GSTCD: variants seen among roughly 807,000 people sequenced by gnomAD.
The protein encoded by GSTCD is glutathione S-transferase C-terminal domain containing, also known as glutathione S-transferase C-terminal domain-containing protein.
GSTCD carries 44 observed loss-of-function variants against 68.3 expected under a neutral mutation model. The observed-to-expected ratio is 0.64, with a 90% CI of 0.51 to 0.83. GSTCD has a LOEUF of 0.83. Ranked by LOEUF, GSTCD falls within the 40% of genes least tolerant of loss-of-function variation. The pLI is 0.00. For synonymous variants in GSTCD, 273 were observed against 255.2 expected, an observed-to-expected ratio of 1.07 and a Z score of -0.67; for missense variants, 739 against 735.9, an observed-to-expected ratio of 1.00 and a Z score of -0.05.
At chr4:105,743,163 G>A (rs1296487416) in intron 5 of GSTCD, among the ~76,000 whole-genome samples, 10 of 151,974 alleles carry the variant, frequency 6.6e-5, no homozygotes, top group Non-Finnish European at 1.5e-4. Context: ...TGTTAGCCAG[G>A]ATGGTCTCGA....
chr4:105,767,749 T>G (rs1734675892), intron 5 of GSTCD, among the ~76,000 whole-genome samples: 1 of 152,314 alleles, frequency 6.6e-6, no homozygotes, highest in South Asian at 2.1e-4. Context: ...TGAACTATAT[T>G]GAAAGATCCC....
Position 105,811,613 on chromosome 4 carries a change from G to A in GSTCD, c.1241-11341G>A, listed in dbSNP as rs530575937. Reference sequence around the variant, plus strand: ...GAGTTAGTGGGTGCAGCACACCAGCGTGGCACATGTATACATATGTAACTA... The same window carrying A: ...GAGTTAGTGGGTGCAGCACACCAGCATGGCACATGTATACATATGTAACTA... On this transcript the variant is annotated intron_variant, in intron 5 of 11. Coordinates refer to ENST00000515279, the MANE Select transcript of GSTCD (RefSeq NM_001370181.1). Among the ~76,000 whole-genome samples, 591 of 151,060 alleles carry A rather than the reference G, an allele frequency of 3.9e-3. 5 individuals carry two copies. Among genetic ancestry groups the A allele is most frequent in the African/African-American group, 0.014 (571 of 41,162 alleles).
At chr4:105,745,345 TTTAG>T (rs1261092632) in intron 5 of GSTCD, among the ~76,000 whole-genome samples, 1 of 152,218 alleles carries the variant, frequency 6.6e-6, no homozygotes, top group Non-Finnish European at 1.5e-5. Flanking sequence ...AATGAAAGGT[TTTAG>T]TTAGTATTAA....
At chr4:105,742,701 T>A (rs906566033) in intron 5 of GSTCD, among the ~76,000 whole-genome samples, 30 of 104,388 alleles carry the variant, frequency 2.9e-4, no homozygotes, top group African/African-American at 4.3e-4. Context: ...TTTGTTGTTG[T>A]TTTTACTTTT....
intron 8 of GSTCD, among the ~76,000 whole-genome samples, chr4:105,827,852 TGAAA>T (rs1443145325): frequency 6.6e-6 from 1 of 152,068 alleles, no homozygotes; most frequent in East Asian, 1.9e-4. Flanking sequence ...AAGATTTTAA[TGAAA>T]GAATTTTAAA....
intron 5 of GSTCD, among the ~76,000 whole-genome samples, chr4:105,781,484 TG>T (rs1735271167): frequency 6.6e-6 from 1 of 151,886 alleles, no homozygotes; most frequent in Non-Finnish European, 1.5e-5. Flanking sequence ...CTCGAACTCC[TG>T]GCCTCAAGCA....
chr4:105,766,551 T>G (rs894118950), intron 5 of GSTCD, among the ~76,000 whole-genome samples: 3 of 151,970 alleles, frequency 2.0e-5, no homozygotes, highest in African/African-American at 4.8e-5. Flanking sequence ...AGTCATCTGG[T>G]TTTTTTTCTT....
intron 8 of GSTCD, among the ~76,000 whole-genome samples, chr4:105,828,723 A>G (rs1723768398): frequency 6.6e-6 from 1 of 152,246 alleles, no homozygotes; most frequent in African/African-American, 2.4e-5. Flanking sequence ...GAAGGCTATC[A>G]GGACACAAAC....
intron 5 of GSTCD, among the ~76,000 whole-genome samples, chr4:105,785,353 A>G (rs1174012322): frequency 6.6e-6 from 1 of 151,284 alleles, no homozygotes; most frequent in Admixed American, 6.6e-5. Flanking sequence ...CAACAGATTA[A>G]AAAAAAAATC....
Position 105,726,954 on chromosome 4 carries a change from A to T in GSTCD, c.1146+124A>T. On this transcript the variant is annotated intron_variant, in intron 4 of 11. Coordinates refer to ENST00000515279, the MANE Select transcript of GSTCD (RefSeq NM_001370181.1). ...ATAAATTTTATTTGTAGCTTTCTTC[A>T]CTCTTTACCAGTTAATATTTCTGCT... is the stretch of plus-strand genomic sequence containing the variant. 6 of 733,708 alleles carry T rather than the reference A, an allele frequency of 8.2e-6. No homozygotes were observed. The East Asian group carries it at 1.7e-4, about 20-fold the overall frequency. The allele number at this position is 733,708 out of a possible 1,614,324, so 45.4% of individuals were successfully genotyped here.
chr4:105,735,531 G>A (rs1255602357), intron 5 of GSTCD, among the ~76,000 whole-genome samples: 1 of 152,208 alleles, frequency 6.6e-6, no homozygotes, highest in African/African-American at 2.4e-5. Flanking sequence ...GAAAAGCACT[G>A]TATTAGGGTG....
chr4:105,822,847 GCTCCTCCCC>G, intron 5 of GSTCD, 98 bp from the exon 6 acceptor site: 1 of 710,048 alleles, frequency 1.4e-6, no homozygotes, highest in African/African-American at 1.8e-5. Flanking sequence ...ATGTGTGTAT[GCTCCTCCCC>G]CTCCTCCTCC....
intron 5 of GSTCD, among the ~76,000 whole-genome samples, chr4:105,732,962 A>G (rs975896822): frequency 1.3e-5 from 2 of 152,206 alleles, no homozygotes; most frequent in African/African-American, 4.8e-5. Context: ...GTAGTCATTC[A>G]GGAGCAGGTT....
At chr4:105,821,622 T>C (rs1215876700) in intron 5 of GSTCD, among the ~76,000 whole-genome samples, 4 of 151,866 alleles carry the variant, frequency 2.6e-5, no homozygotes, top group Non-Finnish European at 5.9e-5. Context: ...ATCATTACAA[T>C]AGGAAATTGG....
intron 5 of GSTCD, among the ~76,000 whole-genome samples, chr4:105,750,060 A>G (rs1045343979): frequency 1.3e-5 from 2 of 152,244 alleles, no homozygotes; most frequent in African/African-American, 4.8e-5. Context: ...AAGATGGCAC[A>G]TGCATATATG....
chr4:105,728,682 T>TAG (rs1464171801), intron 4 of GSTCD, among the ~76,000 whole-genome samples: 369 of 18,730 alleles, frequency 0.02, 2 homozygotes, highest in African/African-American at 0.032. Flanking sequence ...GATATAGATA[T>TAG]ATAGATATAG....
chr4:105,762,802 G>T (rs1442046046), intron 5 of GSTCD, among the ~76,000 whole-genome samples: 2 of 151,870 alleles, frequency 1.3e-5, no homozygotes, highest in Non-Finnish European at 2.9e-5. Context: ...ATCTTTTGGG[G>T]GATGGTGTTC....
At chr4:105,797,251 C>T (rs1735930564) in intron 5 of GSTCD, among the ~76,000 whole-genome samples, 1 of 151,204 alleles carries the variant, frequency 6.6e-6, no homozygotes, top group African/African-American at 2.4e-5. Flanking sequence ...CTATTTTTTT[C>T]CCTGTTGGAA....
chr4:105,776,097 G>A (rs11735851), intron 5 of GSTCD, among the ~76,000 whole-genome samples: 6,826 of 152,284 alleles, frequency 0.045, 212 homozygotes, highest in Middle Eastern at 0.13. Context: ...GCTGGACTTC[G>A]GTGGGCTACG....
Sources: allele counts gnomAD v4.1 joint callset (sites outside exome capture counted in the v4.1 genomes callset), GRCh38; gene constraint gnomAD v4.1.1; transcripts MANE v1.5; gene names NCBI Gene and HGNC (gene_info 2026-07-23, HGNC 2026-07-21).